Variants in IREB2 observed in about 807,000 individuals in gnomAD.
The protein encoded by IREB2 is iron responsive element binding protein 2, also known as iron-responsive element-binding protein 2.
In IREB2, 39 loss-of-function variants were observed where a neutral mutation model predicts 118.8. That is an observed-to-expected ratio of 0.33 (90% CI 0.25 to 0.43). The LOEUF is 0.43. Ranked by LOEUF, IREB2 falls within the 20% of genes least tolerant of loss-of-function variation. The pLI is 1.00. For synonymous variants in IREB2, 372 were observed against 392.2 expected (o/e 0.95, Z 0.61); for missense variants, 900 against 1,147.3 (o/e 0.78, Z 3.11).
At chr15:78,461,502 C>T (rs558202866) in intron 2 of IREB2, among the ~76,000 whole-genome samples, 3 of 152,264 alleles carry the variant, frequency 2.0e-5, no homozygotes, top group South Asian at 4.1e-4. Flanking sequence ...TGTTTAAAAA[C>T]GGATTATTTT....
chr15:78,452,030 G>A (rs963339115), intron 2 of IREB2, among the ~76,000 whole-genome samples: 2 of 152,314 alleles, frequency 1.3e-5, no homozygotes, highest in East Asian at 3.9e-4. Flanking sequence ...TTTGAGTCCT[G>A]CTAAGGCATC....
At chr15:78,478,204 A>G (rs983746649) in intron 9 of IREB2, 93 bp from the exon 10 acceptor site, 2 of 825,780 alleles carry the variant, frequency 2.4e-6, no homozygotes, top group East Asian at 2.7e-5. Context: ...ACTGCGCTCC[A>G]GCCTGGGCAA....
chr15:78,469,653 G>C (rs2051342200), intron 5 of IREB2, among the ~76,000 whole-genome samples: 1 of 152,034 alleles, frequency 6.6e-6, no homozygotes, highest in Non-Finnish European at 1.5e-5. Context: ...AACCCGGTAG[G>C]GCGGAGGTTG....
chr15:78,470,498 A>C (rs1487576799), intron 5 of IREB2, 34 bp from the exon 6 acceptor site: 1 of 1,418,758 alleles, frequency 7.0e-7, no homozygotes. Context: ...TTTTTGTAAT[A>C]CATACGTTTA....
chr15:78,481,247 T>G (rs1314384261), intron 10 of IREB2, among the ~76,000 whole-genome samples: 1 of 152,142 alleles, frequency 6.6e-6, no homozygotes, highest in African/African-American at 2.4e-5. Flanking sequence ...GACCCACCCA[T>G]GCTGGAGTGC....
intron 3 of IREB2, among the ~76,000 whole-genome samples, chr15:78,463,909 T>C (rs113574931): frequency 7.2e-5 from 11 of 152,206 alleles, no homozygotes; most frequent in African/African-American, 1.4e-4. Flanking sequence ...TTTTCTGTTA[T>C]AGTAAATGGC....
At chr15:78,480,418 G>T (rs191693979) in intron 10 of IREB2, among the ~76,000 whole-genome samples, 85 of 152,240 alleles carry the variant, frequency 5.6e-4, no homozygotes, top group African/African-American at 1.8e-3. Context: ...GGTGGCTCAC[G>T]CCTGTAATCC....
intron 3 of IREB2, among the ~76,000 whole-genome samples, chr15:78,464,289 A>G (rs1426247654): frequency 6.6e-6 from 1 of 152,166 alleles, no homozygotes; most frequent in Non-Finnish European, 1.5e-5. Flanking sequence ...ATACTCTGAA[A>G]GATTTTGCCT....
Position 78,498,028 on chromosome 15 carries a change from T to G in IREB2, c.2782-5T>G. The G allele has an allele frequency of 6.3e-7, 1 of 1,591,768 alleles. No homozygotes were observed. ...CTCACATGAGATGTTTTTGCTCCTT[T>G]CAAGACAAGCACTGGAAAAGTATTC... On this transcript the variant is annotated splice_polypyrimidine_tract_variant and splice_region_variant and intron_variant, in intron 21 of 21. Coordinates refer to ENST00000258886, the MANE Select transcript of IREB2 (RefSeq NM_004136.4).
intron 13 of IREB2, among the ~76,000 whole-genome samples, chr15:78,486,498 A>G (rs1462472086): frequency 1.3e-5 from 2 of 152,158 alleles, no homozygotes; most frequent in Non-Finnish European, 2.9e-5. Context: ...CCAGCTACTC[A>G]GGAGGCTGAG....
At chr15:78,469,421 TAA>T (rs869144439) in intron 5 of IREB2, among the ~76,000 whole-genome samples, 1 of 145,720 alleles carries the variant, frequency 6.9e-6, no homozygotes. Context: ...AATCTTTGTT[TAA>T]AAAAAAAAAA....
rs563407035 is a variant in IREB2, at chr15:78,471,644, A to G, written c.700-97A>G. The stretch of plus-strand genomic sequence containing the variant: ...GAACTTTGTATTTACCATATTGAAC[A>G]TTAGTTAAAATATTTTTAATGTTAA... On this transcript the variant is annotated intron_variant, in intron 6 of 21. Transcript: ENST00000258886. 3.6e-5 allele frequency: 24 copies of G among 661,634 alleles called. No homozygotes were observed. In the African/African-American group the frequency reaches 3.8e-4, roughly 11 times the overall value. The allele number at this position is 661,634 out of a possible 1,614,324, so 41.0% of individuals were successfully genotyped here. A position where few individuals can be genotyped will look rare whatever the true frequency, so the allele number is the denominator to read the frequency against.
intron 2 of IREB2, among the ~76,000 whole-genome samples, chr15:78,450,516 G>A (rs536162668): frequency 6.6e-6 from 1 of 152,318 alleles, no homozygotes; most frequent in Non-Finnish European, 1.5e-5. Flanking sequence ...CCACCCTCTG[G>A]AGTGCAGGCA....
intron 4 of IREB2, 53 bp from the exon 5 acceptor site, chr15:78,466,218 A>G (rs2051279382): frequency 2.2e-5 from 27 of 1,254,938 alleles, no homozygotes; most frequent in Non-Finnish European, 2.9e-5. Flanking sequence ...TTTAAGAGCT[A>G]AATTTGTGTC....
chr15:78,497,268 C>T lies in IREB2; in HGVS notation c.2738C>T (p.Thr913Ile). The change falls in exon 21 of 22, where the codon ACA becomes ATA. Residue 913 changes from threonine (T) to isoleucine (I), a missense_variant. By Grantham distance (89) the Thr-to-Ile change is moderately conservative. Transcript: ENST00000258886. ...TCCGGTAGAGAAACATTTTCTTTAA[C>T]ATTTCCTGAAGAACTGTCTCCTGGA... ...GLSGRETFSL[T>I]FPEELSPGIT... 6.2e-7 allele frequency: 1 copy of T among 1,613,872 alleles called. No individual in the cohort carries two copies. The highest frequency in any genetic ancestry group is 8.5e-7 in the Non-Finnish European group (1 of 1,179,782).
At chr15:78,438,393 G>A in intron 1 of IREB2, 37 bp downstream of exon 1, 1 of 1,588,872 alleles carries the variant, frequency 6.3e-7, no homozygotes, top group Non-Finnish European at 8.6e-7. Flanking sequence ...CTGGCAGTTG[G>A]AAACGCGCGC....
At chr15:78,482,751 G>GT (rs11444966) in intron 10 of IREB2, among the ~76,000 whole-genome samples, 34,411 of 145,382 alleles carry the variant, frequency 0.24, 4,100 homozygotes, top group South Asian at 0.35. Flanking sequence ...GGGAAACCAG[G>GT]TTTTTTTTTT....
Position 78,498,180 on chromosome 15 carries a change from C to CTA in IREB2, c.*38_*39insAT. 1 of 1,185,558 alleles carries CTA rather than the reference C, an allele frequency of 8.4e-7. No homozygotes were observed. Among genetic ancestry groups the CTA allele is most frequent in the Non-Finnish European group, 1.3e-6 (1 of 791,086 alleles). 73.4% of individuals were successfully genotyped at this position (1,185,558 alleles called of 1,614,324 possible). On this transcript the variant is annotated 3_prime_UTR_variant, in exon 22 of 22. Coordinates refer to ENST00000258886, the MANE Select transcript of IREB2 (RefSeq NM_004136.4). The stretch of plus-strand genomic sequence containing the variant: ...CATAGATACCTTTCATAACTGGTAA[C>CTA]TGCAAAGCCTTTTGTGCTGGACCCA...
chr15:78,486,972 G>GTTATATT (rs1019545796), intron 13 of IREB2, among the ~76,000 whole-genome samples: 16 of 152,132 alleles, frequency 1.1e-4, no homozygotes, highest in African/African-American at 3.9e-4. Context: ...ACCCAGCCTA[G>GTTATATT]TTATATTTTC....
Sources: gnomAD v4.1 joint callset for allele counts (sites outside exome capture counted in the v4.1 genomes callset) on GRCh38, gnomAD v4.1.1 for gene constraint, MANE v1.5 for transcripts, NCBI Gene and HGNC (gene_info 2026-07-23, HGNC 2026-07-21) for gene names.